The following WWTR1 variants were observed in gnomAD, a reference collection of about 807,000 sequenced individuals.
WWTR1 encodes WW domain containing transcription regulator 1, also known as WW domain-containing transcription regulator protein 1.
Under a neutral mutation model 40.1 loss-of-function variants are expected in WWTR1, and 13 were observed. The ratio of observed to expected loss-of-function variants is 0.32; its 90% confidence interval spans 0.21 to 0.52. The LOEUF is 0.52. WWTR1 is among the 20% of genes least tolerant of loss of function. The probability of loss-of-function intolerance (pLI) is 0.97; values close to 1 mark genes in which losing one functional copy is unlikely to be tolerated. For synonymous variants in WWTR1, 230 were observed against 210.1 expected, an observed-to-expected ratio of 1.09 and a Z score of -0.82; for missense variants, 436 against 523.1, an observed-to-expected ratio of 0.83 and a Z score of 1.63.
rs1713282358 is a variant in WWTR1 at position 149,657,083 on chromosome 3, C to A, written c.224G>T (p.Gly75Val). The A allele has an allele frequency of 1.3e-5, 20 of 1,569,526 alleles. No homozygotes were observed. Among genetic ancestry groups the A allele is most frequent in the Middle Eastern group, 3.3e-4 (2 of 6,016 alleles). The part of the protein sequence containing the change: ...SSTDSSGGHP[G>V]PRLAGGAQHV... Reference sequence around the variant, plus strand: ...CTGGGCACCCCCAGCCAGTCGAGGCCCCGGGTGGCCGCCCGACGAGTCGGT... The same window carrying A: ...CTGGGCACCCCCAGCCAGTCGAGGCACCGGGTGGCCGCCCGACGAGTCGGT... Residue 75 changes from glycine to valine, a missense_variant, in exon 2 of 7, where the codon GGG (glycine) becomes GTG (valine). Transcript: ENST00000360632.
rs1209264304 is a variant in WWTR1, at chr3:149,517,699, T to C, written c.*3106A>G. 1.3e-5 allele frequency: 2 copies of C among 152,198 alleles called. No individual in the cohort carries two copies. Among genetic ancestry groups the C allele is most frequent in the African/African-American group, 4.8e-5 (2 of 41,448 alleles). The allele number at this position is 152,198 out of a possible 1,614,324, so 9.4% of individuals were successfully genotyped here. A position where few individuals can be genotyped will look rare whatever the true frequency, so the allele number is the denominator to read the frequency against. ...TACCTGTTTCCTGTATATGGTGTAA[T>C]CAGTGAAAGAAATGGCATTTCACAT... On this transcript the variant is annotated 3_prime_UTR_variant, in exon 7 of 7. Transcript: ENST00000360632.
intron 2 of WWTR1, among the ~76,000 whole-genome samples, chr3:149,584,085 G>A (rs1446468379): frequency 1.3e-5 from 2 of 152,136 alleles, no homozygotes; most frequent in Non-Finnish European, 2.9e-5. Flanking sequence ...TGCCTAACAC[G>A]TTTTTAACAT....
Position 149,642,367 on chromosome 3 carries a change from C to T in WWTR1, c.431+14509G>A, listed in dbSNP as rs538609232. Reference sequence around the variant, plus strand: ...CCCAGGAGGCAGAGGTTGCGGTGAACTGAGATCGCATCAATGCACTCCAGC... The same window carrying T: ...CCCAGGAGGCAGAGGTTGCGGTGAATTGAGATCGCATCAATGCACTCCAGC... On this transcript the variant is annotated intron_variant, in intron 2 of 6. Transcript: ENST00000360632. 1.7e-3 allele frequency among the ~76,000 whole-genome samples: 264 copies of T among 151,936 alleles called. 1 individual carries two copies. The highest frequency in any genetic ancestry group is 6.1e-3 in the African/African-American group (251 of 41,398).
At position 149,555,707 on chromosome 3, in the gene WWTR1, T is replaced by C. The variant is rs151044352; in HGVS notation, c.569-13170A>G. On this transcript the variant is annotated intron_variant, in intron 3 of 6. Transcript: ENST00000360632. ...TGGTGGTGTTTCGCTTATAGAACTA[T>C]AGATGATTTTTTTTCTTTCCAATGA... Among the ~76,000 whole-genome samples the C allele has an allele frequency of 1.9e-3, 286 of 149,630 alleles. 1 individual carries two copies. Among genetic ancestry groups the C allele is most frequent in the African/African-American group, 6.4e-3 (266 of 41,304 alleles).
chr3:149,645,110 C>G (rs749411941), intron 2 of WWTR1, among the ~76,000 whole-genome samples: 1 of 145,550 alleles, frequency 6.9e-6, no homozygotes, highest in South Asian at 2.2e-4. Flanking sequence ...GACGGAGTCT[C>G]GATCTGTCGC....
intron 2 of WWTR1, among the ~76,000 whole-genome samples, chr3:149,603,515 T>C (rs1739343238): frequency 6.6e-6 from 1 of 151,758 alleles, no homozygotes; most frequent in South Asian, 2.1e-4. Context: ...AGTTTCTTCA[T>C]GATAATGCTA....
chr3:149,546,625 T>C lies in WWTR1; in HGVS notation c.569-4088A>G, dbSNP rs141539581. Among the ~76,000 whole-genome samples, 4 of 152,360 alleles carry C rather than the reference T, an allele frequency of 2.6e-5. No individual in the cohort carries two copies. In the East Asian group the frequency reaches 5.8e-4, roughly 22 times the overall value. On this transcript the variant is annotated intron_variant, in intron 3 of 6. Transcript: ENST00000360632. ...AGATCTTCCTTTTCCTTTTCTGTACTATTTTAAGTTTTCCCACATGAATTT... is the reference window on the plus strand; with the variant it reads ...AGATCTTCCTTTTCCTTTTCTGTACCATTTTAAGTTTTCCCACATGAATTT...
chr3:149,722,710 G>A (rs763950363), intron 4 of WWTR1, among the ~76,000 whole-genome samples: 11 of 151,428 alleles, frequency 7.3e-5, no homozygotes, highest in Non-Finnish European at 1.3e-4. Context: ...CTCTGTTCAC[G>A]TTCCTCCAGT....
intron 3 of WWTR1, chr3:149,724,240 A>G (rs999599341): frequency 2.0e-5 from 3 of 152,186 alleles, no homozygotes; most frequent in Admixed American, 6.5e-5. Flanking sequence ...AGAGAATGAT[A>G]TAATGAATCC....
intron 2 of WWTR1, among the ~76,000 whole-genome samples, chr3:149,609,511 A>T (rs900375121): frequency 1.3e-5 from 2 of 152,234 alleles, no homozygotes; most frequent in Non-Finnish European, 2.9e-5. Flanking sequence ...TGACATATGA[A>T]AATTCAAATT....
intron 3 of WWTR1, among the ~76,000 whole-genome samples, chr3:149,571,725 C>T (rs1005561384): frequency 1.3e-5 from 2 of 152,170 alleles, no homozygotes; most frequent in Non-Finnish European, 2.9e-5. Flanking sequence ...TTGTTCATTC[C>T]TGAAAATCCA....
chr3:149,631,528 C>A (rs1313017602), intron 2 of WWTR1, among the ~76,000 whole-genome samples: 1 of 152,178 alleles, frequency 6.6e-6, no homozygotes, highest in Non-Finnish European at 1.5e-5. Context: ...AATGGATATT[C>A]AATAACCATA....
intron 2 of WWTR1, among the ~76,000 whole-genome samples, chr3:149,613,766 G>A (rs987996765): frequency 3.9e-5 from 6 of 152,024 alleles, no homozygotes; most frequent in African/African-American, 9.7e-5. Context: ...GGCTGGTCTC[G>A]AAATCTTGGA....
intron 2 of WWTR1, among the ~76,000 whole-genome samples, chr3:149,641,130 A>C (rs1462303156): frequency 1.3e-5 from 2 of 152,208 alleles, no homozygotes; most frequent in Admixed American, 6.5e-5. Context: ...TACTCTTGGC[A>C]GACTTTACTG....
intron 1 of WWTR1, among the ~76,000 whole-genome samples, chr3:149,682,171 C>G (rs10935770): frequency 0.3 from 45,610 of 151,964 alleles, 7,152 homozygotes; most frequent in Admixed American, 0.39. Context: ...CCCTGGGAGT[C>G]AGGTCTCTTA....
chr3:149,568,091 C>T (rs1429954640), intron 3 of WWTR1, among the ~76,000 whole-genome samples: 3 of 152,080 alleles, frequency 2.0e-5, no homozygotes, highest in Non-Finnish European at 4.4e-5. Context: ...CTACTTAAAA[C>T]ATACAAACTT....
intron 2 of WWTR1, among the ~76,000 whole-genome samples, chr3:149,641,057 G>A (rs1048008477): frequency 1.3e-5 from 2 of 151,898 alleles, no homozygotes; most frequent in Non-Finnish European, 2.9e-5. Flanking sequence ...ATATTTTAAG[G>A]CATTCGATAT....
chr3:149,534,638 G>C (rs997496424), intron 4 of WWTR1, among the ~76,000 whole-genome samples: 7 of 152,144 alleles, frequency 4.6e-5, no homozygotes, highest in African/African-American at 1.7e-4. Context: ...CCAATTTCAA[G>C]GGCACTTTTC....
rs115111506 is a variant in WWTR1, at chr3:149,672,418, G to A, written c.-107-2527C>T. Among the ~76,000 whole-genome samples, 682 of 152,288 alleles carry A rather than the reference G, an allele frequency of 4.5e-3. 4 individuals are homozygous for A. The highest frequency in any genetic ancestry group is 0.015 in the African/African-American group (643 of 41,562). ...ACTACATGTTACAGCAAGGATGATG[G>A]GGAAAAGTAGGCTACCTACGTACCC... On this transcript the variant is annotated intron_variant, in intron 1 of 7. Coordinates refer to the WWTR1 transcript ENST00000465804.
Sources: gnomAD v4.1 joint callset for allele counts (sites outside exome capture counted in the v4.1 genomes callset) on GRCh38, gnomAD v4.1.1 for gene constraint, MANE v1.5 for transcripts, NCBI Gene and HGNC (gene_info 2026-07-23, HGNC 2026-07-21) for gene names.